The following TLL1 variants were observed in gnomAD, a reference collection of about 807,000 sequenced individuals.
The protein encoded by TLL1 is tolloid like 1.
TLL1 carries 49 observed loss-of-function variants against 128.2 expected under a neutral mutation model. The observed-to-expected ratio is 0.38, with a 90% CI of 0.30 to 0.48. The LOEUF is 0.48. Among genes scored for constraint, TLL1 ranks in the 20% least tolerant of loss-of-function variants. The probability of loss-of-function intolerance (pLI) is 0.96; values close to 1 mark genes in which losing one functional copy is unlikely to be tolerated. For synonymous variants in TLL1, 454 were observed against 418.8 expected, an observed-to-expected ratio of 1.08 and a Z score of -1.03; for missense variants, 1,123 against 1,242.0, an observed-to-expected ratio of 0.90 and a Z score of 1.44.
chr4:166,071,482 T>C (rs1239422044), intron 16 of TLL1, among the ~76,000 whole-genome samples: 1 of 152,008 alleles, frequency 6.6e-6, no homozygotes, highest in East Asian at 1.9e-4. Context: ...AAACATTTAT[T>C]TCTAGCACTA....
intron 20 of TLL1, among the ~76,000 whole-genome samples, chr4:166,100,246 C>A (rs1263570389): frequency 6.6e-6 from 1 of 152,124 alleles, no homozygotes; most frequent in African/African-American, 2.4e-5. Context: ...TACTGTTGAA[C>A]TCCTGCCCAA....
At chr4:166,075,299 T>C (rs1740973206) in intron 17 of TLL1, among the ~76,000 whole-genome samples, 1 of 152,194 alleles carries the variant, frequency 6.6e-6, no homozygotes, top group Admixed American at 6.5e-5. Flanking sequence ...GAACAGACCT[T>C]ATAACACTAT....
At chr4:165,899,986 T>C (rs1197361336) in intron 1 of TLL1, among the ~76,000 whole-genome samples, 2 of 152,164 alleles carry the variant, frequency 1.3e-5, no homozygotes, top group Non-Finnish European at 2.9e-5. Flanking sequence ...TTTCTTTGTC[T>C]CTTTTGATCT....
intron 5 of TLL1, among the ~76,000 whole-genome samples, chr4:165,996,547 C>T (rs1249350142): frequency 3.3e-5 from 5 of 151,920 alleles, no homozygotes; most frequent in African/African-American, 4.8e-5. Flanking sequence ...TGCAGTGAGC[C>T]GAGATTACGC....
intron 1 of TLL1, among the ~76,000 whole-genome samples, chr4:165,949,413 T>C (rs1734403807): frequency 6.6e-6 from 1 of 152,166 alleles, no homozygotes; most frequent in Admixed American, 6.6e-5. Flanking sequence ...TGAGCCACAC[T>C]GTCTCCAGAC....
At chr4:165,963,984 A>C (rs566080633) in intron 1 of TLL1, among the ~76,000 whole-genome samples, 2 of 152,172 alleles carry the variant, frequency 1.3e-5, no homozygotes, top group Non-Finnish European at 2.9e-5. Context: ...TCCTACTGCA[A>C]ATCTCCCATC....
At chr4:165,898,771 T>C (rs1002711595) in intron 1 of TLL1, among the ~76,000 whole-genome samples, 2 of 152,204 alleles carry the variant, frequency 1.3e-5, no homozygotes, top group African/African-American at 2.4e-5. Context: ...ATCCCTCCTT[T>C]TCTATTGTTT....
chr4:166,085,549 T>A (rs1281409212), intron 18 of TLL1, among the ~76,000 whole-genome samples: 1 of 152,134 alleles, frequency 6.6e-6, no homozygotes, highest in Non-Finnish European at 1.5e-5. Context: ...ATCATTTTTG[T>A]CCTTCATTCT....
chr4:166,095,520 G>A (rs1366241864), intron 19 of TLL1, among the ~76,000 whole-genome samples: 2 of 151,860 alleles, frequency 1.3e-5, no homozygotes, highest in Non-Finnish European at 2.9e-5. Flanking sequence ...TTTTCTCTTG[G>A]GACTTCTTTT....
chr4:165,876,267 T>C (rs1405708271), intron 1 of TLL1, among the ~76,000 whole-genome samples: 1 of 151,720 alleles, frequency 6.6e-6, no homozygotes, highest in Non-Finnish European at 1.5e-5. Flanking sequence ...TTTTTACCAC[T>C]GGGAAAGTCA....
chr4:165,972,909 T>C (rs1735688861), intron 1 of TLL1, among the ~76,000 whole-genome samples: 1 of 152,148 alleles, frequency 6.6e-6, no homozygotes, highest in Non-Finnish European at 1.5e-5. Context: ...GGTCTATCTT[T>C]AGTGCCTTTG....
rs183611964 is a variant in TLL1 at position 166,039,841 on chromosome 4, C to T, written c.1261+400C>T. Among the ~76,000 whole-genome samples the T allele has an allele frequency of 4.3e-4, 66 of 152,148 alleles. No individual in the cohort carries two copies. The Middle Eastern group carries it at 0.01, about 24-fold the overall frequency. ...GTTTTGTTTTTGTTTTGTTGCTAAG[C>T]CAGTATAATGTAAACTGTTAGGTAC... On this transcript the variant is annotated intron_variant, in intron 10 of 20. Coordinates refer to ENST00000061240, the MANE Select transcript of TLL1 (RefSeq NM_012464.5).
At chr4:165,961,027 G>A (rs7696087) in intron 1 of TLL1, among the ~76,000 whole-genome samples, 117,405 of 151,998 alleles carry the variant, frequency 0.77, 46,480 homozygotes, top group African/African-American at 0.95. Context: ...ATGAAGTGAA[G>A]TTATGTCTCT....
intron 1 of TLL1, among the ~76,000 whole-genome samples, chr4:165,980,291 G>C (rs918207901): frequency 1.3e-5 from 2 of 152,068 alleles, no homozygotes; most frequent in Non-Finnish European, 2.9e-5. Context: ...GTATTTCCAA[G>C]TGTAATGGAT....
At chr4:166,075,119 C>A in intron 17 of TLL1, 116 bp downstream of exon 17, 1 of 1,473,666 alleles carries the variant, frequency 6.8e-7, no homozygotes, top group Non-Finnish European at 9.3e-7. Flanking sequence ...GTGGGCTATC[C>A]AAATGTCAAA....
chr4:166,040,765 T>G (rs1213486535), intron 10 of TLL1, among the ~76,000 whole-genome samples: 1 of 152,234 alleles, frequency 6.6e-6, no homozygotes, highest in African/African-American at 2.4e-5. Flanking sequence ...CACTGCTCTG[T>G]GTTATCTGCC....
chr4:165,908,635 C>G (rs2110867144), intron 1 of TLL1, among the ~76,000 whole-genome samples: 1 of 149,986 alleles, frequency 6.7e-6, no homozygotes, highest in African/African-American at 2.4e-5. Flanking sequence ...TAATAGCAGT[C>G]TGCATGGAAT....
At chr4:165,922,430 A>G (rs1733079355) in intron 1 of TLL1, among the ~76,000 whole-genome samples, 1 of 151,982 alleles carries the variant, frequency 6.6e-6, no homozygotes. Flanking sequence ...CTTCTTCTCT[A>G]TTATTCTTCT....
intron 18 of TLL1, among the ~76,000 whole-genome samples, chr4:166,079,225 T>C (rs772320477): frequency 4.6e-5 from 7 of 152,168 alleles, no homozygotes; most frequent in Non-Finnish European, 1.0e-4. Context: ...TGGGCTGAAA[T>C]ATAGAGGCTG....
Sources: allele counts gnomAD v4.1 joint callset (sites outside exome capture counted in the v4.1 genomes callset), GRCh38; gene constraint gnomAD v4.1.1; transcripts MANE v1.5; gene names NCBI Gene and HGNC (gene_info 2026-07-23, HGNC 2026-07-21).